Variants in PAX5 observed in about 807,000 individuals in gnomAD.
PAX5 encodes paired box 5.
Under a neutral mutation model 43.7 loss-of-function variants are expected in PAX5, and 9 were observed. The observed-to-expected ratio is 0.21, with a 90% CI of 0.12 to 0.36. The LOEUF (loss-of-function observed/expected upper bound fraction) is 0.36, where lower values mean the gene tolerates loss of function less well. Among genes scored for constraint, PAX5 ranks in the 10% least tolerant of loss-of-function variants. The pLI, the probability that PAX5 is intolerant of heterozygous loss-of-function variation, is 1.00. For synonymous variants in PAX5, 228 were observed against 214.3 expected (o/e 1.06, Z -0.56); for missense variants, 383 against 532.7 (o/e 0.72, Z 2.77).
At chr9:36,842,520 G>T (rs913913163) in intron 9 of PAX5, among the ~76,000 whole-genome samples, 1 of 152,156 alleles carries the variant, frequency 6.6e-6, no homozygotes, top group Admixed American at 6.5e-5. Flanking sequence ...GCGGGCCTCC[G>T]TGTGAAAGCT....
intron 5 of PAX5, among the ~76,000 whole-genome samples, chr9:36,978,391 G>T (rs1457203077): frequency 2.0e-5 from 3 of 152,218 alleles, no homozygotes; most frequent in Non-Finnish European, 2.9e-5. Flanking sequence ...TGAGATCAAA[G>T]AATGTGAAAG....
chr9:36,973,111 A>G (rs1835088359), intron 5 of PAX5, among the ~76,000 whole-genome samples: 2 of 85,874 alleles, frequency 2.3e-5, no homozygotes, highest in African/African-American at 1.1e-4. Flanking sequence ...AAAGGAAAGG[A>G]AAGGAAAGGA....
At chr9:37,006,726 T>C (rs1189969604) in intron 3 of PAX5, among the ~76,000 whole-genome samples, 189 bp from the exon 4 acceptor site, 3 of 152,252 alleles carry the variant, frequency 2.0e-5, no homozygotes, top group Non-Finnish European at 4.4e-5. Context: ...GTTTATGGAC[T>C]AGTCCCAACT....
chr9:36,965,512 C>A (rs1834350064), intron 6 of PAX5, among the ~76,000 whole-genome samples: 1 of 152,208 alleles, frequency 6.6e-6, no homozygotes, highest in Admixed American at 6.5e-5. Flanking sequence ...AGATGGGTGG[C>A]CCCAGAGGCC....
chr9:36,840,659 C>T (rs1449535486), intron 9 of PAX5, 23 bp from the exon 10 acceptor site: 10 of 1,498,464 alleles, frequency 6.7e-6, no homozygotes, highest in African/African-American at 2.7e-5. Context: ...GGAGAGAGCA[C>T]CGAGGTCAGA....
At chr9:36,861,708 T>C (rs1824232667) in intron 8 of PAX5, among the ~76,000 whole-genome samples, 1 of 151,560 alleles carries the variant, frequency 6.6e-6, no homozygotes, top group Admixed American at 6.6e-5. Flanking sequence ...AGGAGGCCTA[T>C]GTGGCTGGAG....
chr9:36,979,435 G>A (rs751658563), intron 5 of PAX5, among the ~76,000 whole-genome samples: 5 of 152,170 alleles, frequency 3.3e-5, no homozygotes, highest in Non-Finnish European at 5.9e-5. Context: ...GCATATTCTT[G>A]TATTACACTG....
chr9:36,904,084 G>A (rs1333916256), intron 7 of PAX5, among the ~76,000 whole-genome samples: 1 of 152,226 alleles, frequency 6.6e-6, no homozygotes, highest in East Asian at 1.9e-4. Context: ...AGGATGAGAA[G>A]AGTGACTCCC....
intron 3 of PAX5, among the ~76,000 whole-genome samples, chr9:37,010,931 G>A (rs756961451): frequency 3.3e-5 from 5 of 151,958 alleles, no homozygotes; most frequent in African/African-American, 4.8e-5. Context: ...GACCACCCTG[G>A]GCAACACGAT....
intron 6 of PAX5, among the ~76,000 whole-genome samples, chr9:36,945,505 T>C (rs1424645482): frequency 6.6e-6 from 1 of 152,248 alleles, no homozygotes; most frequent in Non-Finnish European, 1.5e-5. Flanking sequence ...CCTCCCACAG[T>C]GCTGGGATGA....
intron 7 of PAX5, 46 bp downstream of exon 7, chr9:36,923,309 T>C (rs1210706274): frequency 6.3e-7 from 1 of 1,579,982 alleles, no homozygotes; most frequent in Admixed American, 1.7e-5. Context: ...CACTCCTATC[T>C]CTCTCTCTCT....
intron 8 of PAX5, among the ~76,000 whole-genome samples, chr9:36,862,477 T>C (rs1014721676): frequency 6.6e-6 from 1 of 152,096 alleles, no homozygotes; most frequent in African/African-American, 2.4e-5. Context: ...GATCCTGTGG[T>C]TGGCAGATCA....
chr9:37,019,574 A>G (rs1205010237), intron 2 of PAX5, among the ~76,000 whole-genome samples: 2 of 152,236 alleles, frequency 1.3e-5, no homozygotes, highest in Admixed American at 6.5e-5. Flanking sequence ...CCAGCAGATG[A>G]AAGGGAAGGA....
At chr9:36,847,746 G>A (rs1296981270) in intron 8 of PAX5, among the ~76,000 whole-genome samples, 1 of 152,182 alleles carries the variant, frequency 6.6e-6, no homozygotes, top group Non-Finnish European at 1.5e-5. Context: ...TGCTCATGGA[G>A]CAGTAATACC....
At chr9:36,847,388 A>T (rs6476586) in intron 8 of PAX5, among the ~76,000 whole-genome samples, 1 of 151,994 alleles carries the variant, frequency 6.6e-6, no homozygotes, top group Admixed American at 6.5e-5. Context: ...CCACCTGCTG[A>T]TGAGTGGCTC....
intron 7 of PAX5, among the ~76,000 whole-genome samples, chr9:36,918,688 C>G (rs1829904883): frequency 6.6e-6 from 1 of 152,068 alleles, no homozygotes; most frequent in Non-Finnish European, 1.5e-5. Context: ...GATGATCAAA[C>G]CAGCCACAAC....
chr9:37,026,497 G>C, intron 1 of PAX5: 1 of 1,317,922 alleles, frequency 7.6e-7, no homozygotes, highest in South Asian at 1.2e-5. Flanking sequence ...CGGTCCCGGC[G>C]GGAGAGTGAG....
rs1366407912 is a variant in PAX5 at position 36,839,496 on chromosome 9, G to A, written c.*1064C>T. The A allele has an allele frequency of 1.3e-5, 3 of 233,380 alleles. No homozygotes were observed. The highest frequency in any genetic ancestry group is 2.5e-5 in the Non-Finnish European group (3 of 118,176). 14.5% of individuals were successfully genotyped at this position (233,380 alleles called of 1,614,324 possible). ...CTGGGTGTGGGGGAAAGTCCTCTGTGTTAATTATTGTCTACATCACCGGAA... is the reference window on the plus strand; with the variant it reads ...CTGGGTGTGGGGGAAAGTCCTCTGTATTAATTATTGTCTACATCACCGGAA... On this transcript the variant is annotated 3_prime_UTR_variant, in exon 10 of 10. Transcript: ENST00000358127.
chr9:36,867,214 CA>C (rs1220946780), intron 8 of PAX5, among the ~76,000 whole-genome samples: 5 of 152,200 alleles, frequency 3.3e-5, no homozygotes, highest in African/African-American at 1.2e-4. Flanking sequence ...TATTCATTCA[CA>C]AAGGTCCAGT....
Sources: gnomAD v4.1 joint callset for allele counts (sites outside exome capture counted in the v4.1 genomes callset) on GRCh38, gnomAD v4.1.1 for gene constraint, MANE v1.5 for transcripts, NCBI Gene and HGNC (gene_info 2026-07-23, HGNC 2026-07-21) for gene names.